The following PPP2R2B variants were observed in gnomAD, a reference collection of about 807,000 sequenced individuals.
The protein encoded by PPP2R2B is protein phosphatase 2 regulatory subunit Bbeta.
PPP2R2B carries 5 observed loss-of-function variants against 46.0 expected under a neutral mutation model. The ratio of observed to expected loss-of-function variants is 0.11; its 90% CI spans 0.06 to 0.23. The LOEUF (loss-of-function observed/expected upper bound fraction) is 0.23. PPP2R2B is among the 10% of genes least tolerant of loss of function. The pLI is 1.00. For missense variants in PPP2R2B, 367 were observed against 575.0 expected (o/e 0.64, Z 3.70); for synonymous variants, 215 against 206.7 (o/e 1.04, Z -0.34).
chr5:146,972,806 G>T (rs1015038059), intron 1 of PPP2R2B, among the ~76,000 whole-genome samples: 1 of 152,038 alleles, frequency 6.6e-6, no homozygotes. Context: ...TAAGCTTAAG[G>T]ACCATCTATA....
At chr5:146,653,694 GA>G (rs1220089220) in intron 5 of PPP2R2B, among the ~76,000 whole-genome samples, 1 of 152,196 alleles carries the variant, frequency 6.6e-6, no homozygotes, top group African/African-American at 2.4e-5. Context: ...AGGCATTACA[GA>G]GTGGGAGCTG....
chr5:146,697,442 G>C (rs1779241028), intron 4 of PPP2R2B, among the ~76,000 whole-genome samples: 1 of 152,204 alleles, frequency 6.6e-6, no homozygotes, highest in African/African-American at 2.4e-5. Context: ...ATGGTGTTAA[G>C]TATGGAGGGA....
At chr5:146,952,686 T>A (rs1283070492) in intron 1 of PPP2R2B, among the ~76,000 whole-genome samples, 3 of 152,166 alleles carry the variant, frequency 2.0e-5, no homozygotes, top group African/African-American at 7.2e-5. Flanking sequence ...TGAAGAACTC[T>A]ATAAGGTACA....
intron 1 of PPP2R2B, among the ~76,000 whole-genome samples, chr5:146,950,983 T>C (rs1324883030): frequency 6.6e-6 from 1 of 152,032 alleles, no homozygotes; most frequent in African/African-American, 2.4e-5. Flanking sequence ...ACTATGATGG[T>C]ATACAACCTC....
chr5:146,881,545 T>C (rs935754434), upstream of PPP2R2B, among the ~76,000 whole-genome samples: 5 of 152,144 alleles, frequency 3.3e-5, no homozygotes, highest in Admixed American at 3.3e-4. Flanking sequence ...CCTGAGTAGC[T>C]GGGACTAAGA....
At chr5:146,660,117 A>G (rs1343251947) in intron 5 of PPP2R2B, among the ~76,000 whole-genome samples, 2 of 152,194 alleles carry the variant, frequency 1.3e-5, no homozygotes, top group African/African-American at 2.4e-5. Context: ...CTTGAACAAT[A>G]TGGACGCTCA....
chr5:146,875,870 A>T (rs1761868695), intron 2 of PPP2R2B, among the ~76,000 whole-genome samples: 1 of 152,220 alleles, frequency 6.6e-6, no homozygotes, highest in Non-Finnish European at 1.5e-5. Context: ...TAAGGAATTC[A>T]TTGGAAGAAC....
chr5:146,884,003 T>G (rs1762246243), intron 1 of PPP2R2B, among the ~76,000 whole-genome samples: 2 of 152,012 alleles, frequency 1.3e-5, no homozygotes, highest in African/African-American at 4.8e-5. Flanking sequence ...AGTTCTGCTT[T>G]GAGTGACATC....
intron 2 of PPP2R2B, among the ~76,000 whole-genome samples, chr5:146,803,573 T>A (rs974929123): frequency 3.9e-5 from 6 of 152,208 alleles, no homozygotes; most frequent in African/African-American, 1.2e-4. Flanking sequence ...ATATTCTAGC[T>A]AAGTCATGCA....
At chr5:146,817,057 C>T (rs1243772614) in intron 2 of PPP2R2B, among the ~76,000 whole-genome samples, 2 of 152,168 alleles carry the variant, frequency 1.3e-5, no homozygotes, top group African/African-American at 4.8e-5. Flanking sequence ...TTGAGGGCTA[C>T]TCCCCTCCCT....
At chr5:146,907,076 G>A (rs1472394054) in intron 1 of PPP2R2B, among the ~76,000 whole-genome samples, 1 of 152,192 alleles carries the variant, frequency 6.6e-6, no homozygotes, top group Non-Finnish European at 1.5e-5. Context: ...ACAGAAGATA[G>A]CGCAGGATGC....
intron 1 of PPP2R2B, among the ~76,000 whole-genome samples, chr5:146,960,788 C>A (rs1752136956): frequency 6.6e-6 from 1 of 152,084 alleles, no homozygotes; most frequent in African/African-American, 2.4e-5. Flanking sequence ...CTTTTAAAAT[C>A]AAATAAAAAG....
chr5:146,986,981 A>G (rs1000802941), intron 1 of PPP2R2B, among the ~76,000 whole-genome samples: 4 of 152,222 alleles, frequency 2.6e-5, no homozygotes, highest in African/African-American at 4.8e-5. Flanking sequence ...AATGTCAAAA[A>G]CAAAGGGAGG....
chr5:146,760,771 G>A (rs551166809), intron 2 of PPP2R2B, among the ~76,000 whole-genome samples: 16 of 152,166 alleles, frequency 1.1e-4, no homozygotes, highest in Admixed American at 2.6e-4. Flanking sequence ...CCCTTGACTC[G>A]CATAGTTGAA....
intron 2 of PPP2R2B, among the ~76,000 whole-genome samples, chr5:146,755,185 G>A (rs940928864): frequency 1.3e-5 from 2 of 152,122 alleles, no homozygotes; most frequent in African/African-American, 4.8e-5. Context: ...GGAGGGTGGG[G>A]ATAAGATTAG....
At chr5:146,747,214 T>G (rs939020275) in intron 2 of PPP2R2B, among the ~76,000 whole-genome samples, 4 of 152,144 alleles carry the variant, frequency 2.6e-5, no homozygotes, top group African/African-American at 4.8e-5. Flanking sequence ...ATGGCTCTTG[T>G]CTCCCAATGG....
At chr5:146,752,551 T>C (rs2151239154) in intron 2 of PPP2R2B, among the ~76,000 whole-genome samples, 2 of 152,358 alleles carry the variant, frequency 1.3e-5, no homozygotes, top group South Asian at 2.1e-4. Context: ...GCTTAGTTTA[T>C]TGCAATATCT....
intron 1 of PPP2R2B, among the ~76,000 whole-genome samples, chr5:146,900,505 T>C (rs1021043736): frequency 4.6e-5 from 7 of 152,082 alleles, no homozygotes; most frequent in African/African-American, 1.7e-4. Flanking sequence ...CTTTCTCCTT[T>C]CCTTTCTCCC....
intron 5 of PPP2R2B, among the ~76,000 whole-genome samples, chr5:146,682,706 T>C (rs1056773700): frequency 6.6e-6 from 1 of 152,224 alleles, no homozygotes; most frequent in Non-Finnish European, 1.5e-5. Flanking sequence ...GTTACTATTA[T>C]AGCACACTGG....
Sources: allele counts gnomAD v4.1 joint callset (sites outside exome capture counted in the v4.1 genomes callset), GRCh38; gene constraint gnomAD v4.1.1; transcripts MANE v1.5; gene names NCBI Gene and HGNC (gene_info 2026-07-23, HGNC 2026-07-21).